TAF4B: variants seen among roughly 807,000 people sequenced by gnomAD.
TAF4B encodes the protein transcription initiation factor TFIID subunit 4B.
Under a neutral mutation model 86.4 loss-of-function variants are expected in TAF4B, and 38 were observed. The observed-to-expected ratio is 0.44, with a 90% CI of 0.34 to 0.58. The LOEUF (loss-of-function observed/expected upper bound fraction) is 0.58. Among genes scored for constraint, TAF4B ranks in the 20% least tolerant of loss-of-function variants. The pLI, the probability that TAF4B is intolerant of heterozygous loss-of-function variation, is 0.02. For missense variants in TAF4B, 988 were observed against 1,027.6 expected (o/e 0.96, Z 0.53); for synonymous variants, 388 against 391.2 (o/e 0.99, Z 0.10).
Position 26,346,807 on chromosome 18 carries a change from ATATATATATGTGTGTG to A in TAF4B, c.2317-10873_2317-10858del, listed in dbSNP as rs1213322329. 1.3e-3 allele frequency among the ~76,000 whole-genome samples: 42 copies of A among 31,414 alleles called. 1 individual carries two copies. The highest frequency in any genetic ancestry group is 4.2e-3 in the South Asian group (3 of 712). 20.6% of individuals were successfully genotyped at this position (31,414 alleles called of 152,430 possible). ...TATATATATATATATATGTGTATAT[ATATATATATGTGTGTG>A]TATATATATATATGTGTGTGTGTAT... On this transcript the variant is annotated intron_variant, in intron 13 of 14. Transcript: ENST00000269142.
chr18:26,286,460 A>G lies in TAF4B; in HGVS notation c.1551A>G (p.Gln517=), dbSNP rs760071731. The G allele has an allele frequency of 1.2e-6, 2 of 1,613,326 alleles. No individual in the cohort carries two copies. The highest frequency in any genetic ancestry group is 1.3e-5 in the African/African-American group (1 of 74,880). The part of the protein sequence containing the change: ...KLAQPGPVLS[Q]PAGIPQAVQV... ...CCCAGCCGGGCCCTGTCCTTTCACA[A>G]CCAGCTGGGATTCCACAGGCAGTTC... The change falls in exon 7 of 15, where the codon CAA becomes CAG. Residue 517 remains glutamine, a synonymous_variant. Transcript: ENST00000269142.
At chr18:26,383,571 T>C (rs1406970394) in intron 14 of TAF4B, among the ~76,000 whole-genome samples, 1 of 152,206 alleles carries the variant, frequency 6.6e-6, no homozygotes, top group Non-Finnish European at 1.5e-5. Context: ...AACAGTGGCA[T>C]CTGGAAAATG....
chr18:26,272,235 A>G (rs2056329073), intron 3 of TAF4B, among the ~76,000 whole-genome samples: 1 of 152,138 alleles, frequency 6.6e-6, no homozygotes, highest in African/African-American at 2.4e-5. Flanking sequence ...TCTCACGAGG[A>G]GAGTGCAGCT....
intron 13 of TAF4B, among the ~76,000 whole-genome samples, chr18:26,346,181 C>G (rs1038656801): frequency 1.3e-5 from 2 of 151,924 alleles, no homozygotes; most frequent in African/African-American, 4.8e-5. Flanking sequence ...AATAAAGAAC[C>G]AAACAGAAAT....
chr18:26,283,752 A>G (rs759204091), intron 6 of TAF4B, among the ~76,000 whole-genome samples: 10 of 152,162 alleles, frequency 6.6e-5, no homozygotes, highest in Non-Finnish European at 1.2e-4. Context: ...TTTTGTCTCC[A>G]TTGAAAATCT....
intron 9 of TAF4B, 83 bp from the exon 10 acceptor site, chr18:26,315,146 G>GTCTCTC (rs1212422063): frequency 0.031 from 4,743 of 151,112 alleles, 138 homozygotes; most frequent in Middle Eastern, 0.038. Flanking sequence ...CTCTCTCTCT[G>GTCTCTC]TCTCTCTCTC....
At position 26,390,703 on chromosome 18, in the gene TAF4B, G is replaced by A. The variant is rs1448437433; in HGVS notation, c.*691G>A. The A allele has an allele frequency of 1.3e-5, 2 of 152,200 alleles. No homozygotes were observed. The highest frequency in any genetic ancestry group is 1.9e-4 in the East Asian group (1 of 5,202). 9.4% of individuals were successfully genotyped at this position (152,200 alleles called of 1,614,324 possible). A position where few individuals can be genotyped will look rare whatever the true frequency, so the allele number is the denominator to read the frequency against. ...ATATCTTGTTGAAAAAATGGAAAAG[G>A]TGCAAAGTATTAGAAGGAACGTTAG... On this transcript the variant is annotated 3_prime_UTR_variant, in exon 15 of 15. Transcript: ENST00000269142.
chr18:26,294,368 A>C (rs1005561462), intron 9 of TAF4B, among the ~76,000 whole-genome samples: 2 of 152,006 alleles, frequency 1.3e-5, no homozygotes, highest in African/African-American at 4.8e-5. Flanking sequence ...GCATTTTTCT[A>C]ATGGCTAAAG....
At chr18:26,347,544 T>G (rs2057209939) in intron 13 of TAF4B, among the ~76,000 whole-genome samples, 1 of 151,984 alleles carries the variant, frequency 6.6e-6, no homozygotes, top group Non-Finnish European at 1.5e-5. Context: ...CAGAAAACAA[T>G]CAATAAAATG....
At chr18:26,272,321 G>A (rs528961108) in intron 3 of TAF4B, among the ~76,000 whole-genome samples, 1 of 152,302 alleles carries the variant, frequency 6.6e-6, no homozygotes, top group African/African-American at 2.4e-5. Context: ...CCTGACAGGA[G>A]GCAAAGCTCA....
chr18:26,261,703 C>A (rs1372103484), intron 1 of TAF4B, among the ~76,000 whole-genome samples: 1 of 152,152 alleles, frequency 6.6e-6, no homozygotes, highest in African/African-American at 2.4e-5. Context: ...ATTTTTTAGG[C>A]CAGTGTTTGA....
At chr18:26,229,030 C>T (rs761273510) in intron 1 of TAF4B, among the ~76,000 whole-genome samples, 2 of 151,962 alleles carry the variant, frequency 1.3e-5, no homozygotes, top group African/African-American at 2.4e-5. Flanking sequence ...CTTTCCACAA[C>T]GCTATGCTTA....
intron 14 of TAF4B, among the ~76,000 whole-genome samples, chr18:26,361,710 C>T (rs908213481): frequency 1.3e-5 from 2 of 149,588 alleles, no homozygotes; most frequent in South Asian, 2.2e-4. Context: ...GCGCCACTCC[C>T]CTCCAGCCTG....
chr18:26,237,377 C>A (rs1322449281), intron 1 of TAF4B, among the ~76,000 whole-genome samples: 1 of 152,150 alleles, frequency 6.6e-6, no homozygotes, highest in Non-Finnish European at 1.5e-5. Flanking sequence ...AAAACTTCCC[C>A]AGGTCTACCT....
intron 1 of TAF4B, among the ~76,000 whole-genome samples, chr18:26,260,579 A>C (rs2056150150): frequency 6.6e-6 from 1 of 152,138 alleles, no homozygotes; most frequent in Non-Finnish European, 1.5e-5. Context: ...TTTGTCAGAG[A>C]TCAGATGGTT....
chr18:26,292,338 G>A lies in TAF4B; in HGVS notation c.1683G>A (p.Thr561=), dbSNP rs780210606. Reference sequence around the variant, plus strand: ...CCATTCAGAAATGTGGACAGAAGACGATGCCAGTGAACACCATAATACCTA... The same window carrying A: ...CCATTCAGAAATGTGGACAGAAGACAATGCCAGTGAACACCATAATACCTA... ...TLTIQKCGQK[T]MPVNTIIPTS... is the part of the protein sequence containing the mutation. The change falls in exon 8 of 15, where the codon ACG becomes ACA. Residue 561 remains threonine, a synonymous_variant. Coordinates refer to ENST00000269142, the MANE Select transcript of TAF4B (RefSeq NM_005640.3). 11 of 1,614,098 alleles carry A rather than the reference G, an allele frequency of 6.8e-6. No homozygotes were observed. The highest frequency in any genetic ancestry group is 3.3e-5 in the South Asian group (3 of 91,062).
At chr18:26,367,435 T>G (rs2057379278) in intron 14 of TAF4B, among the ~76,000 whole-genome samples, 1 of 152,210 alleles carries the variant, frequency 6.6e-6, no homozygotes, top group Admixed American at 6.5e-5. Context: ...CTCTGATGTC[T>G]GAAGGCAGAA....
intron 14 of TAF4B, among the ~76,000 whole-genome samples, chr18:26,380,164 A>C (rs2057468610): frequency 6.6e-6 from 1 of 152,132 alleles, no homozygotes; most frequent in Non-Finnish European, 1.5e-5. Flanking sequence ...GCCTTAGAGC[A>C]CTGGCTAACT....
At chr18:26,368,006 C>T (rs982235708) in intron 14 of TAF4B, among the ~76,000 whole-genome samples, 26 of 152,168 alleles carry the variant, frequency 1.7e-4, no homozygotes, top group African/African-American at 6.3e-4. Context: ...TGCATCTCTA[C>T]CGTTCCTTTG....
Sources: allele counts gnomAD v4.1 joint callset (sites outside exome capture counted in the v4.1 genomes callset), GRCh38; gene constraint gnomAD v4.1.1; transcripts MANE v1.5; gene names NCBI Gene and HGNC (gene_info 2026-07-23, HGNC 2026-07-21).